DDX6: variants seen among roughly 807,000 people sequenced by gnomAD.
DDX6 encodes probable ATP-dependent RNA helicase DDX6.
Under a neutral mutation model 60.6 loss-of-function variants are expected in DDX6, and 7 were observed. That is an observed-to-expected ratio of 0.12 (90% CI 0.07 to 0.22). DDX6 has a LOEUF of 0.22. Among genes scored for constraint, DDX6 ranks in the 10% least tolerant of loss-of-function variants. DDX6 has a pLI of 1.00. For synonymous variants in DDX6, 207 were observed against 201.0 expected (o/e 1.03, Z -0.25); for missense variants, 270 against 589.9 (o/e 0.46, Z 5.62).
At chr11:118,757,401 G>A (rs1861012906) in intron 9 of DDX6, 114 bp from the exon 10 acceptor site, 1 of 528,934 alleles carries the variant, frequency 1.9e-6, no homozygotes, top group Non-Finnish European at 3.4e-6. Context: ...CTAAAACTTA[G>A]AATCTCATGA....
At chr11:118,790,463 C>T (rs953869661) in intron 1 of DDX6, 1 of 152,140 alleles carries the variant, frequency 6.6e-6, no homozygotes, top group Non-Finnish European at 1.5e-5. Flanking sequence ...GTTATTGACC[C>T]GCAAGGCCTA....
chr11:118,789,037 C>T (rs556159045), intron 1 of DDX6: 18 of 151,536 alleles, frequency 1.2e-4, no homozygotes, highest in African/African-American at 4.4e-4. Context: ...AAAACAAAGC[C>T]CTACTCTGTT....
Position 118,747,914 on chromosome 11 carries a change from C to G in DDX6, c.*4191G>C, listed in dbSNP as rs890166044. ...AACAAAAACAGAGCCCCCCCCCCCC[C>G]CACTGGAACATCTGCCAATTAAGAG... On this transcript the variant is annotated 3_prime_UTR_variant, in exon 14 of 14. Coordinates refer to ENST00000534980, the MANE Select transcript of DDX6 (RefSeq NM_004397.6). The G allele has an allele frequency of 6.1e-5, 7 of 115,112 alleles. No homozygotes were observed. The highest frequency in any genetic ancestry group is 5.2e-4 in the East Asian group (2 of 3,866). 7.1% of individuals were successfully genotyped at this position (115,112 alleles called of 1,614,324 possible).
At chr11:118,771,512 G>A (rs1195004406) in intron 4 of DDX6, among the ~76,000 whole-genome samples, 1 of 152,170 alleles carries the variant, frequency 6.6e-6, no homozygotes, top group Admixed American at 6.5e-5. Context: ...CATCCACACT[G>A]CCTCTTACCA....
intron 4 of DDX6, among the ~76,000 whole-genome samples, chr11:118,778,216 AG>A (rs1448410841): frequency 2.0e-5 from 3 of 152,076 alleles, no homozygotes; most frequent in African/African-American, 2.4e-5. Context: ...TGCTAAAACT[AG>A]GGGGGAAATT....
chr11:118,769,420 G>C (rs1555161956), intron 4 of DDX6, among the ~76,000 whole-genome samples: 1 of 152,094 alleles, frequency 6.6e-6, no homozygotes, highest in African/African-American at 2.4e-5. Flanking sequence ...ATCACTAAAG[G>C]TGACCTCTCA....
In DDX6 at chr11:118,750,515, G is replaced by A. The variant is rs1555156945; in HGVS notation, c.*1590C>T. ...TTCCTGCAAAAGTTTATGTATCAAA[G>A]CGGGCAGAGGGCAACACATTTACAC... On this transcript the variant is annotated 3_prime_UTR_variant, in exon 14 of 14. Transcript: ENST00000534980. 1 of 152,142 alleles carries A rather than the reference G, an allele frequency of 6.6e-6. No individual in the cohort carries two copies. The highest frequency in any genetic ancestry group is 2.4e-5 in the African/African-American group (1 of 41,432). 9.4% of individuals were successfully genotyped at this position (152,142 alleles called of 1,614,324 possible).
chr11:118,763,702 T>G (rs1336687293), intron 6 of DDX6, among the ~76,000 whole-genome samples: 1 of 151,530 alleles, frequency 6.6e-6, no homozygotes, highest in African/African-American at 2.4e-5. Context: ...GGTGTGGTGG[T>G]GGGAGCCTGT....
chr11:118,756,765 CCTAA>C (rs1860992382), intron 10 of DDX6, among the ~76,000 whole-genome samples: 2 of 152,246 alleles, frequency 1.3e-5, no homozygotes, highest in African/African-American at 4.8e-5. Context: ...GCAACAGGTG[CCTAA>C]CTGAGCACTT....
chr11:118,758,453 A>AGCCTCC, intron 9 of DDX6, among the ~76,000 whole-genome samples: 1 of 152,026 alleles, frequency 6.6e-6, no homozygotes, highest in East Asian at 1.9e-4. Flanking sequence ...AGCTCACTGC[A>AGCCTCC]GCCTCCGCCT....
intron 6 of DDX6, among the ~76,000 whole-genome samples, chr11:118,764,820 A>ACAC (rs1861295829): frequency 2.6e-5 from 3 of 113,540 alleles, no homozygotes; most frequent in African/African-American, 9.4e-5. Flanking sequence ...AAAAAAAAAT[A>ACAC]TACACACACA....
At chr11:118,760,823 CAAA>C (rs544626778) in intron 7 of DDX6, among the ~76,000 whole-genome samples, 1 of 56,526 alleles carries the variant, frequency 1.8e-5, no homozygotes, top group African/African-American at 7.5e-5. Context: ...TACTCCGTCT[CAAA>C]AAAAAAAAAA....
intron 5 of DDX6, 89 bp downstream of exon 5, chr11:118,768,134 T>C (rs1861417201): frequency 1.1e-5 from 14 of 1,258,206 alleles, no homozygotes; most frequent in Non-Finnish European, 1.5e-5. Flanking sequence ...ATAATGTAAA[T>C]TCTGACTAAA....
At chr11:118,778,521 T>G (rs1478278685) in intron 4 of DDX6, among the ~76,000 whole-genome samples, 1 of 152,230 alleles carries the variant, frequency 6.6e-6, no homozygotes, top group Non-Finnish European at 1.5e-5. Flanking sequence ...TGAACTTTTG[T>G]TTTCTCATCC....
chr11:118,755,082 C>T (rs1860920156), intron 12 of DDX6, among the ~76,000 whole-genome samples, 195 bp from the exon 13 acceptor site: 1 of 152,178 alleles, frequency 6.6e-6, no homozygotes, highest in African/African-American at 2.4e-5. Flanking sequence ...CAAAATAGTA[C>T]TTCATTTCAC....
At chr11:118,783,315 C>G (rs1039447691) in intron 2 of DDX6, among the ~76,000 whole-genome samples, 3 of 152,146 alleles carry the variant, frequency 2.0e-5, no homozygotes, top group Admixed American at 6.5e-5. Context: ...CTTACCCTGT[C>G]ACCCAGGCTT....
chr11:118,758,149 C>G (rs1217574355), intron 9 of DDX6, among the ~76,000 whole-genome samples: 1 of 152,180 alleles, frequency 6.6e-6, no homozygotes, highest in Admixed American at 6.5e-5. Context: ...CAAATGACTG[C>G]TGAACTACCT....
intron 4 of DDX6, among the ~76,000 whole-genome samples, chr11:118,779,288 C>T (rs1301038898): frequency 6.6e-6 from 1 of 151,820 alleles, no homozygotes; most frequent in Non-Finnish European, 1.5e-5. Flanking sequence ...ACAAATAATA[C>T]CTGACCCTAG....
chr11:118,761,908 C>T (rs1489195099), intron 7 of DDX6, among the ~76,000 whole-genome samples: 1 of 149,178 alleles, frequency 6.7e-6, no homozygotes, highest in Non-Finnish European at 1.5e-5. Context: ...AGTGCTGGTA[C>T]CCAGTGATTA....
Sources: gnomAD v4.1 joint callset for allele counts (sites outside exome capture counted in the v4.1 genomes callset) on GRCh38, gnomAD v4.1.1 for gene constraint, MANE v1.5 for transcripts, NCBI Gene and HGNC (gene_info 2026-07-23, HGNC 2026-07-21) for gene names.